TCF12: variants seen among roughly 807,000 people sequenced by gnomAD.
TCF12 encodes the protein DNA-binding protein HTF4.
In TCF12, 45 loss-of-function variants were observed where a neutral mutation model predicts 86.0. That is an observed-to-expected ratio of 0.52 (90% CI 0.41 to 0.67). The LOEUF is 0.67. TCF12 is among the 30% of genes least tolerant of loss of function. The pLI, the probability that TCF12 is intolerant of heterozygous loss-of-function variation, is 0.00. For missense variants in TCF12, 881 were observed against 859.9 expected, an observed-to-expected ratio of 1.02 and a Z score of -0.31; for synonymous variants, 330 against 299.6, an observed-to-expected ratio of 1.10 and a Z score of -1.05.
chr15:57,016,648 A>G (rs533568109), intron 3 of TCF12, among the ~76,000 whole-genome samples: 9 of 152,170 alleles, frequency 5.9e-5, no homozygotes, highest in African/African-American at 9.6e-5. Context: ...GCCTAAGACA[A>G]TGTAGAAGCA....
At chr15:56,995,346 A>G (rs1291655986) in intron 3 of TCF12, among the ~76,000 whole-genome samples, 1 of 148,816 alleles carries the variant, frequency 6.7e-6, no homozygotes, top group Non-Finnish European at 1.5e-5. Context: ...GAGAAATGAC[A>G]TTGGTAGTTT....
intron 4 of TCF12, among the ~76,000 whole-genome samples, chr15:57,075,792 T>TTCTC (rs2069865791): frequency 2.8e-5 from 1 of 35,092 alleles, no homozygotes; most frequent in Non-Finnish European, 5.5e-5. Context: ...CTTTCTTTCT[T>TTCTC]TCTTTCTTTC....
intron 16 of TCF12, among the ~76,000 whole-genome samples, chr15:57,261,844 A>C (rs920980966): frequency 1.2e-4 from 19 of 152,184 alleles, no homozygotes; most frequent in African/African-American, 4.1e-4. Flanking sequence ...TGTGGGATTT[A>C]AAATTTACAA....
chr15:57,026,993 A>G (rs997065441), intron 3 of TCF12, among the ~76,000 whole-genome samples: 9 of 151,862 alleles, frequency 5.9e-5, no homozygotes, highest in Non-Finnish European at 1.0e-4. Flanking sequence ...TTTTATTTGT[A>G]TTGGTTTTTA....
intron 3 of TCF12, among the ~76,000 whole-genome samples, chr15:57,047,369 C>T (rs1313656531): frequency 2.6e-5 from 4 of 152,182 alleles, no homozygotes; most frequent in Non-Finnish European, 5.9e-5. Context: ...TGTTAAGTTA[C>T]TGTCTTCTAT....
chr15:57,024,136 G>A (rs1395739621), intron 3 of TCF12, among the ~76,000 whole-genome samples: 1 of 151,066 alleles, frequency 6.6e-6, no homozygotes, highest in Non-Finnish European at 1.5e-5. Flanking sequence ...AAATAACTGT[G>A]AACAATGTGT....
intron 5 of TCF12, chr15:57,109,283 A>G (rs1196294402): frequency 6.6e-6 from 1 of 152,110 alleles, no homozygotes; most frequent in African/African-American, 2.4e-5. Context: ...CTGCTGGGGA[A>G]CGCTAAAAGG....
intron 19 of TCF12, among the ~76,000 whole-genome samples, chr15:57,279,725 G>A (rs1341342873): frequency 6.6e-6 from 1 of 151,942 alleles, no homozygotes; most frequent in Non-Finnish European, 1.5e-5. Flanking sequence ...AGTCATAGTT[G>A]GCTAAGAGCA....
intron 19 of TCF12, among the ~76,000 whole-genome samples, chr15:57,274,386 C>G (rs2061284423): frequency 6.6e-6 from 1 of 152,110 alleles, no homozygotes; most frequent in Non-Finnish European, 1.5e-5. Flanking sequence ...TATAATCAAC[C>G]TAATGTTAAA....
chr15:56,941,407 T>G (rs867814080), intron 3 of TCF12, among the ~76,000 whole-genome samples: 8 of 150,708 alleles, frequency 5.3e-5, no homozygotes, highest in Non-Finnish European at 1.2e-4. Flanking sequence ...AGTTTTGCTG[T>G]TGTTGCCCAG....
At chr15:57,259,289 A>G (rs895143748) in intron 16 of TCF12, among the ~76,000 whole-genome samples, 26 of 152,210 alleles carry the variant, frequency 1.7e-4, no homozygotes, top group African/African-American at 5.8e-4. Context: ...ATAAATCAAA[A>G]TCTTGGAGTA....
intron 6 of TCF12, among the ~76,000 whole-genome samples, chr15:57,173,439 A>T (rs778957364): frequency 2.6e-5 from 4 of 152,138 alleles, no homozygotes; most frequent in Non-Finnish European, 2.9e-5. Context: ...AAAACTAACA[A>T]AACCAAAATT....
At chr15:56,953,143 A>G (rs2061356872) in intron 3 of TCF12, among the ~76,000 whole-genome samples, 1 of 152,044 alleles carries the variant, frequency 6.6e-6, no homozygotes. Flanking sequence ...AGTATGGCTT[A>G]TTACAGTGGT....
At chr15:57,041,684 G>A (rs1308449624) in intron 3 of TCF12, among the ~76,000 whole-genome samples, 1 of 152,004 alleles carries the variant, frequency 6.6e-6, no homozygotes, top group East Asian at 1.9e-4. Flanking sequence ...ATGTAAATGG[G>A]CTTATTTTGG....
intron 3 of TCF12, among the ~76,000 whole-genome samples, chr15:57,001,581 C>G (rs1338299563): frequency 6.6e-6 from 1 of 152,114 alleles, no homozygotes; most frequent in Non-Finnish European, 1.5e-5. Flanking sequence ...AAATAGTTTT[C>G]CTTATACCTG....
chr15:57,041,156 C>T (rs2066871974), intron 3 of TCF12, among the ~76,000 whole-genome samples: 1 of 152,100 alleles, frequency 6.6e-6, no homozygotes, highest in South Asian at 2.1e-4. Context: ...CATTGGAAGA[C>T]AGATGCAGTA....
intron 5 of TCF12, among the ~76,000 whole-genome samples, chr15:57,103,973 A>G (rs2049938416): frequency 6.6e-6 from 1 of 152,178 alleles, no homozygotes. Flanking sequence ...ACGCCACTGC[A>G]TTCCAGCCTG....
At chr15:57,014,020 C>T (rs2064997984) in intron 3 of TCF12, among the ~76,000 whole-genome samples, 1 of 152,158 alleles carries the variant, frequency 6.6e-6, no homozygotes, top group South Asian at 2.1e-4. Flanking sequence ...TACTGTATTT[C>T]AGACTTGTGG....
At chr15:56,936,394 G>A (rs1232558412) in intron 3 of TCF12, among the ~76,000 whole-genome samples, 1 of 152,150 alleles carries the variant, frequency 6.6e-6, no homozygotes, top group Non-Finnish European at 1.5e-5. Flanking sequence ...TTTGTCAGAT[G>A]TATAGATTGA....
Sources: gnomAD v4.1 joint callset for allele counts (sites outside exome capture counted in the v4.1 genomes callset) on GRCh38, gnomAD v4.1.1 for gene constraint, MANE v1.5 for transcripts, NCBI Gene and HGNC (gene_info 2026-07-23, HGNC 2026-07-21) for gene names.